TBC1D15: variants seen among roughly 807,000 people sequenced by gnomAD.
The protein encoded by TBC1D15 is GAP for RAB7.
Under a neutral mutation model 95.4 loss-of-function variants are expected in TBC1D15, and 39 were observed. The observed-to-expected ratio is 0.41, with a 90% CI of 0.32 to 0.53. TBC1D15 has a LOEUF of 0.53. Among genes scored for constraint, TBC1D15 ranks in the 20% least tolerant of loss-of-function variants. The probability of loss-of-function intolerance (pLI) is 0.29; values close to 1 mark genes in which losing one functional copy is unlikely to be tolerated. For missense variants in TBC1D15, 733 were observed against 794.3 expected, an observed-to-expected ratio of 0.92 and a Z score of 0.93; for synonymous variants, 258 against 261.3, an observed-to-expected ratio of 0.99 and a Z score of 0.12.
chr12:71,861,481 G>A (rs1344692620), intron 1 of TBC1D15: 2 of 1,537,864 alleles, frequency 1.3e-6, no homozygotes, highest in African/African-American at 2.8e-5. Context: ...GTTTGTTGGA[G>A]TATGGTAGGA....
At chr12:71,874,121 A>G (rs1003391680) in intron 3 of TBC1D15, among the ~76,000 whole-genome samples, 3 of 152,164 alleles carry the variant, frequency 2.0e-5, no homozygotes, top group Non-Finnish European at 4.4e-5. Flanking sequence ...TTAAGACCCT[A>G]TTTCCATTAG....
intron 10 of TBC1D15, among the ~76,000 whole-genome samples, chr12:71,904,903 G>C (rs1266992663): frequency 1.3e-5 from 2 of 152,170 alleles, no homozygotes; most frequent in African/African-American, 4.8e-5. Context: ...ACAGCATTCA[G>C]GACCCACTTG....
chr12:71,883,217 AAG>A (rs1895572782), intron 4 of TBC1D15, among the ~76,000 whole-genome samples: 2 of 151,642 alleles, frequency 1.3e-5, no homozygotes, highest in Non-Finnish European at 2.9e-5. Context: ...TAGGTAGTCT[AAG>A]TACATTCATA....
intron 14 of TBC1D15, among the ~76,000 whole-genome samples, chr12:71,919,864 A>G (rs1868577878): frequency 6.6e-6 from 1 of 152,186 alleles, no homozygotes; most frequent in Non-Finnish European, 1.5e-5. Context: ...TAAGAATATT[A>G]TTACCACATA....
intron 11 of TBC1D15, 24 bp downstream of exon 11, chr12:71,907,162 T>G (rs1169163730): frequency 1.5e-6 from 2 of 1,376,004 alleles, no homozygotes; most frequent in Admixed American, 3.9e-5. Flanking sequence ...AGTTCTAATT[T>G]TAAAAGATGT....
rs947151468 is a variant in TBC1D15 at position 71,913,495 on chromosome 12, A to G, written c.1301-331A>G. 5 of 213,586 alleles carry G rather than the reference A, an allele frequency of 2.3e-5. No individual in the cohort carries two copies. In the East Asian group the frequency reaches 8.5e-4, roughly 36 times the overall value. The allele number at this position is 213,586 out of a possible 1,614,324, so 13.2% of individuals were successfully genotyped here. ...ACTCTTACATTTGATGTTCCTCTGG[A>G]TTATCTCTTCACCCCTCTTCTTTCT... On this transcript the variant is annotated intron_variant, in intron 11 of 16. Transcript: ENST00000485960.
chr12:71,854,539 T>C, intron 1 of TBC1D15: 1 of 456,614 alleles, frequency 2.2e-6, no homozygotes, highest in Non-Finnish European at 4.4e-6. Flanking sequence ...TTAATTCTCT[T>C]TTCTGTTCTG....
At chr12:71,912,350 C>T (rs1902586977) in intron 11 of TBC1D15, among the ~76,000 whole-genome samples, 1 of 152,094 alleles carries the variant, frequency 6.6e-6, no homozygotes, top group African/African-American at 2.4e-5. Flanking sequence ...CATGAGAACC[C>T]ACGTGCCCTT....
intron 1 of TBC1D15, among the ~76,000 whole-genome samples, chr12:71,848,474 G>A (rs553673885): frequency 2.6e-5 from 4 of 152,118 alleles, no homozygotes; most frequent in South Asian, 4.2e-4. Flanking sequence ...CTTATTTGCT[G>A]TCCTTGTATC....
At chr12:71,893,552 C>T (rs1897599244) in intron 6 of TBC1D15, among the ~76,000 whole-genome samples, 1 of 151,710 alleles carries the variant, frequency 6.6e-6, no homozygotes, top group Admixed American at 6.6e-5. Flanking sequence ...CTTAGTTACT[C>T]ATAAGGAAAT....
In TBC1D15 at chr12:71,884,978, A is replaced by C; in HGVS notation, c.511A>C (p.Lys171Gln). The change falls in exon 5 of 17, where the codon AAA (lysine) becomes CAA (glutamine). Residue 171 changes from lysine to glutamine, a missense_variant. Lys to Gln is a moderately conservative substitution (Grantham distance 53). Transcript: ENST00000485960. Reference sequence around the variant, plus strand: ...TCTACACTTTCATCAAGGAGATAGCAAACTACTGATTGAATCTCTTGAAAA... The same window carrying C: ...TCTACACTTTCATCAAGGAGATAGCCAACTACTGATTGAATCTCTTGAAAA... ...PALHFHQGDS[K>Q]LLIESLEKYV... 2.5e-6 allele frequency: 4 copies of C among 1,613,946 alleles called. No individual in the cohort carries two copies. Among genetic ancestry groups the C allele is most frequent in the Non-Finnish European group, 3.4e-6 (4 of 1,179,862 alleles).
intron 1 of TBC1D15, among the ~76,000 whole-genome samples, chr12:71,864,067 T>A (rs1890950609): frequency 6.6e-6 from 1 of 152,086 alleles, no homozygotes; most frequent in African/African-American, 2.4e-5. Flanking sequence ...TGGTGTCCTA[T>A]TTTCTTGCTT....
At chr12:71,916,810 A>G (rs1263556574) in intron 12 of TBC1D15, among the ~76,000 whole-genome samples, 1 of 152,102 alleles carries the variant, frequency 6.6e-6, no homozygotes, top group Non-Finnish European at 1.5e-5. Flanking sequence ...AAGTTTCTTT[A>G]AAGCATATGA....
intron 12 of TBC1D15, among the ~76,000 whole-genome samples, chr12:71,916,915 A>T (rs1424105855): frequency 6.6e-6 from 1 of 152,288 alleles, no homozygotes. Flanking sequence ...TGTGGGTTAT[A>T]TCTGTTGATG....
intron 10 of TBC1D15, among the ~76,000 whole-genome samples, chr12:71,898,592 C>T (rs1457176914): frequency 6.6e-6 from 1 of 152,080 alleles, no homozygotes; most frequent in African/African-American, 2.4e-5. Context: ...ACATAAATGA[C>T]CTGTCCAAGG....
chr12:71,870,388 C>T (rs1892411911), intron 1 of TBC1D15, among the ~76,000 whole-genome samples: 1 of 152,180 alleles, frequency 6.6e-6, no homozygotes, highest in South Asian at 2.1e-4. Flanking sequence ...CACCCTTTCT[C>T]AGCTCATCCT....
intron 5 of TBC1D15, among the ~76,000 whole-genome samples, chr12:71,891,310 T>C (rs533698179): frequency 6.6e-6 from 1 of 152,308 alleles, no homozygotes; most frequent in East Asian, 1.9e-4. Context: ...GCTTCTATAG[T>C]TGTGATACTA....
intron 1 of TBC1D15, among the ~76,000 whole-genome samples, chr12:71,850,808 G>A (rs897977355): frequency 2.6e-5 from 4 of 151,964 alleles, no homozygotes; most frequent in African/African-American, 9.7e-5. Context: ...GCAACATGGT[G>A]AAACCCCGTC....
At chr12:71,877,055 T>C (rs111479266) in intron 3 of TBC1D15, among the ~76,000 whole-genome samples, 13,115 of 151,846 alleles carry the variant, frequency 0.086, 645 homozygotes, top group South Asian at 0.15. Context: ...AAGTGATCTG[T>C]CCACCTCAGC....
Sources: allele counts gnomAD v4.1 joint callset (sites outside exome capture counted in the v4.1 genomes callset), GRCh38; gene constraint gnomAD v4.1.1; transcripts MANE v1.5; gene names NCBI Gene and HGNC (gene_info 2026-07-23, HGNC 2026-07-21).